TOP1MT: variants seen among roughly 807,000 people sequenced by gnomAD.
TOP1MT encodes the protein DNA topoisomerase I, mitochondrial.
TOP1MT carries 80 observed loss-of-function variants against 73.9 expected under a neutral mutation model. That is an observed-to-expected ratio of 1.08 (90% CI 0.90 to 1.30). The LOEUF (loss-of-function observed/expected upper bound fraction) is 1.30, where lower values mean the gene tolerates loss of function less well. Ranked by LOEUF, TOP1MT falls within the 50% of genes most tolerant of loss-of-function variation. The pLI is 0.00. For synonymous variants in TOP1MT, 338 were observed against 326.4 expected (o/e 1.04, Z -0.38); for missense variants, 815 against 808.0 (o/e 1.01, Z -0.10).
At chr8:143,327,316 G>A (rs539068804) in intron 3 of TOP1MT, 6 of 152,562 alleles carry the variant, frequency 3.9e-5, no homozygotes, top group African/African-American at 9.6e-5. Flanking sequence ...AGGGAGAGCC[G>A]CAGATCACAG....
intron 12 of TOP1MT, among the ~76,000 whole-genome samples, chr8:143,314,109 GAGGA>G (rs1466206960): frequency 6.6e-6 from 1 of 152,120 alleles, no homozygotes; most frequent in East Asian, 1.9e-4. Context: ...CGCCTGGACA[GAGGA>G]ATCGGAGCCC....
At chr8:143,320,277 C>T (rs536472453) in intron 8 of TOP1MT, among the ~76,000 whole-genome samples, 11 of 152,094 alleles carry the variant, frequency 7.2e-5, no homozygotes, top group Admixed American at 2.6e-4. Context: ...TATAGGCGCT[C>T]GCCACGATGC....
chr8:143,315,754 T>C lies in TOP1MT; in HGVS notation c.1526A>G (p.Lys509Arg), dbSNP rs747537363. 6.2e-7 allele frequency: 1 copy of C among 1,614,036 alleles called. No homozygotes were observed. Among genetic ancestry groups the C allele is most frequent in the Non-Finnish European group, 8.5e-7 (1 of 1,180,016 alleles). The stretch of plus-strand genomic sequence containing the variant: ...CCTGGACTTGCCATCCCCTTGGGCT[T>C]TGTGCTCAGCCCTCGCCCTCCTCAG... The part of the protein sequence containing the change: ...AELRRARAEH[K>R]AQGDGKSRSV... The change falls in exon 12 of 14, where the codon AAA becomes AGA. Residue 509 changes from lysine (K) to arginine (R), a missense_variant. Transcript: ENST00000329245.
chr8:143,309,709 C>T, intron 13 of TOP1MT, 166 bp from the exon 14 acceptor site: 1 of 1,518,592 alleles, frequency 6.6e-7, no homozygotes, highest in Non-Finnish European at 8.8e-7. Flanking sequence ...ACGCATGCCG[C>T]CACCCTGGAG....
intron 7 of TOP1MT, 80 bp from the exon 8 acceptor site, chr8:143,321,466 ACACACGCACGC>A (rs869144793): frequency 0.01 from 4,545 of 444,528 alleles, 213 homozygotes; most frequent in African/African-American, 0.076. Flanking sequence ...CACGCACGCC[ACACACGCACGC>A]CACACGCACG....
At chr8:143,349,640 C>CTT (rs112290042), upstream of TOP1MT, among the ~76,000 whole-genome samples, 11,047 of 145,804 alleles carry the variant, frequency 0.076, 1,445 homozygotes, top group African/African-American at 0.26. Context: ...CATCTGTACA[C>CTT]TTTTTTTTTT....
intron 1 of TOP1MT, among the ~76,000 whole-genome samples, chr8:143,332,968 T>C (rs149801179): frequency 6.2e-4 from 94 of 152,338 alleles, no homozygotes; most frequent in Admixed American, 2.1e-3. Flanking sequence ...CTCACCTTTC[T>C]TACAGGTTTT....
upstream of TOP1MT, chr8:143,334,901 C>T: frequency 7.2e-7 from 1 of 1,389,780 alleles, no homozygotes; most frequent in Non-Finnish European, 9.2e-7. Context: ...TGGGCCCCGC[C>T]CCAGCGGCCA....
At chr8:143,316,871 CT>C (rs1473327707) in intron 10 of TOP1MT, among the ~76,000 whole-genome samples, 1 of 152,218 alleles carries the variant, frequency 6.6e-6, no homozygotes, top group African/African-American at 2.4e-5. Context: ...GCCTCGGCCC[CT>C]ATGCCCTCAC....
At chr8:143,334,697 C>A (rs749067082) in intron 1 of TOP1MT, 43 bp downstream of exon 1, 5 of 1,595,746 alleles carry the variant, frequency 3.1e-6, no homozygotes, top group Non-Finnish European at 4.3e-6. Context: ...TACCCAAGCC[C>A]GGTGCTCAGG....
At chr8:143,336,523 T>G (rs141441298), upstream of TOP1MT, among the ~76,000 whole-genome samples, 74 of 152,216 alleles carry the variant, frequency 4.9e-4, 1 homozygote, top group East Asian at 0.012. Flanking sequence ...AAATGAAGAA[T>G]AAGACGAGGA....
chr8:143,340,492 G>A (rs955571300), intron 2 of TOP1MT, among the ~76,000 whole-genome samples: 5 of 151,868 alleles, frequency 3.3e-5, no homozygotes, highest in Non-Finnish European at 5.9e-5. Flanking sequence ...CTCTCCCTCT[G>A]GACACCCCAG....
At chr8:143,315,664 G>C (rs1186847993) in intron 12 of TOP1MT, 63 bp downstream of exon 12, 1 of 1,353,010 alleles carries the variant, frequency 7.4e-7, no homozygotes, top group Non-Finnish European at 1.1e-6. Context: ...GACCCTGTGG[G>C]GCTGGACCCT....
At chr8:143,335,014 G>A (rs1194352407), upstream of TOP1MT, 10 of 775,458 alleles carry the variant, frequency 1.3e-5, no homozygotes, top group East Asian at 1.4e-4. Context: ...ACGGGGCTGC[G>A]GCAGCAGGAC....
intron 3 of TOP1MT, chr8:143,327,772 G>C: frequency 2.3e-6 from 1 of 432,786 alleles, no homozygotes; most frequent in Non-Finnish European, 4.6e-6. Context: ...GGCCAAAGAA[G>C]AGGGTCCAGA....
At chr8:143,331,745 G>A (rs1816861356) in intron 1 of TOP1MT, 1 of 160,510 alleles carries the variant, frequency 6.2e-6, no homozygotes, top group South Asian at 1.9e-4. Flanking sequence ...TAAAGGACCT[G>A]GCTGCTTATG....
At position 143,325,506 on chromosome 8, in the gene TOP1MT, G is replaced by C. The variant is rs1473309252; in HGVS notation, c.511C>G (p.Gln171Glu). The change falls in exon 5 of 14, where the codon CAG (glutamine) becomes GAG (glutamate). Residue 171 changes from glutamine (Q) to glutamate (E), a missense_variant. By Grantham distance (29) the Gln-to-Glu change is conservative. Around this residue, in one of 3 missense-constraint regions of TOP1MT, gnomAD observed 751 missense variants for 725.4 expected, o/e 1.04. Coordinates refer to ENST00000329245, the MANE Select transcript of TOP1MT (RefSeq NM_052963.3). ...QKLKEEAEKL[Q>E]QEFGYCILDG... ...AAAATACAGTAGCCGAACTCTTGCT[G>C]AAGTTTTTCTGCCTCTTCTTTTAGC... 3 of 1,610,218 alleles carry C rather than the reference G, an allele frequency of 1.9e-6. No individual in the cohort carries two copies. Among genetic ancestry groups the C allele is most frequent in the Non-Finnish European group, 2.5e-6 (3 of 1,176,748 alleles).
chr8:143,321,587 ACACGCACGCACG>A (rs1352271466), intron 7 of TOP1MT, among the ~76,000 whole-genome samples: 1 of 49,678 alleles, frequency 2.0e-5, no homozygotes, highest in Non-Finnish European at 3.6e-5. Context: ...CAGGCACGCC[ACACGCACGCACG>A]CCACACGCAC....
chr8:143,358,279 C>T (rs565220996), upstream of TOP1MT, among the ~76,000 whole-genome samples: 21 of 152,272 alleles, frequency 1.4e-4, no homozygotes, highest in African/African-American at 4.6e-4. Context: ...TCCTGTAACT[C>T]CAAAGAAGAA....
Sources: gnomAD v4.1 joint callset for allele counts (sites outside exome capture counted in the v4.1 genomes callset) on GRCh38, gnomAD v4.1.1 for gene constraint, gnomAD v4.1.1 regional missense constraint, MANE v1.5 for transcripts, NCBI Gene and HGNC (gene_info 2026-07-23, HGNC 2026-07-21) for gene names.